The following PAWR variants were observed in gnomAD, a reference collection of about 807,000 sequenced individuals.
The protein encoded by PAWR is PRKC apoptosis WT1 regulator protein.
In PAWR, 23 loss-of-function variants were observed where a neutral mutation model predicts 32.0. That is an observed-to-expected ratio of 0.72 (90% CI 0.52 to 1.02). PAWR has a LOEUF of 1.02. Among genes scored for constraint, PAWR ranks in the 50% least tolerant of loss-of-function variants. The pLI is 0.00. For synonymous variants in PAWR, 226 were observed against 187.1 expected (o/e 1.21, Z -1.70); for missense variants, 457 against 437.7 (o/e 1.04, Z -0.39).
intron 2 of PAWR, among the ~76,000 whole-genome samples, chr12:79,628,173 A>G (rs1473454519): frequency 6.6e-6 from 1 of 152,218 alleles, no homozygotes; most frequent in African/African-American, 2.4e-5. Flanking sequence ...CCACTCAACT[A>G]CATGGAAACT....
chr12:79,626,805 G>C (rs1875350559), intron 2 of PAWR, among the ~76,000 whole-genome samples: 1 of 151,468 alleles, frequency 6.6e-6, no homozygotes, highest in South Asian at 2.1e-4. Flanking sequence ...TGTTCTCATT[G>C]TTCAATTCCC....
In PAWR at chr12:79,638,896, A is replaced by ATTT. The variant is rs60375837; in HGVS notation, c.517-17692_517-17690dup. ...TATATATATATATATATATATATAT[A>ATTT]TTTTTTTTTTTTTTTTTTTTTTTTT... On this transcript the variant is annotated intron_variant, in intron 2 of 6. Coordinates refer to ENST00000328827, the MANE Select transcript of PAWR (RefSeq NM_002583.4). 1.8e-3 allele frequency among the ~76,000 whole-genome samples: 18 copies of ATTT among 10,008 alleles called. 1 individual carries two copies. The highest frequency in any genetic ancestry group is 6.2e-3 in the Admixed American group (3 of 482). 6.6% of individuals were successfully genotyped at this position (10,008 alleles called of 152,430 possible).
rs968559558 is a variant in PAWR at position 79,587,927 on chromosome 12, A to G, written c.*4680T>C. Reference sequence around the variant, plus strand: ...ATCAAAGCTGTCTAACACAATACTAATGTGTTCAATAAATTATCCAGATGT... The same window carrying G: ...ATCAAAGCTGTCTAACACAATACTAGTGTGTTCAATAAATTATCCAGATGT... On this transcript the variant is annotated 3_prime_UTR_variant, in exon 7 of 7. Coordinates refer to ENST00000328827, the MANE Select transcript of PAWR (RefSeq NM_002583.4). 2.4e-4 allele frequency: 37 copies of G among 152,114 alleles called. No homozygotes were observed. Among genetic ancestry groups the G allele is most frequent in the African/African-American group, 8.9e-4 (37 of 41,574 alleles). 9.4% of individuals were successfully genotyped at this position (152,114 alleles called of 1,614,324 possible).
At chr12:79,646,406 G>A (rs1876578135) in intron 2 of PAWR, among the ~76,000 whole-genome samples, 2 of 152,142 alleles carry the variant, frequency 1.3e-5, no homozygotes, top group Non-Finnish European at 2.9e-5. Flanking sequence ...AAGAGTAGAG[G>A]TAAAGAACAA....
At chr12:79,623,895 C>CT (rs1875152850) in intron 2 of PAWR, among the ~76,000 whole-genome samples, 2 of 151,862 alleles carry the variant, frequency 1.3e-5, no homozygotes, top group South Asian at 4.2e-4. Flanking sequence ...GATAGAGGTC[C>CT]TAGAACAGAA....
intron 2 of PAWR, among the ~76,000 whole-genome samples, chr12:79,643,337 A>T (rs1020147275): frequency 2.0e-5 from 3 of 152,168 alleles, no homozygotes; most frequent in African/African-American, 4.8e-5. Flanking sequence ...ATAGTCAAAG[A>T]AGTAATGAAA....
At chr12:79,679,919 T>A (rs568406172) in intron 2 of PAWR, among the ~76,000 whole-genome samples, 2 of 152,356 alleles carry the variant, frequency 1.3e-5, no homozygotes, top group African/African-American at 4.8e-5. Context: ...TATACTCTTA[T>A]ATGAGTACTC....
At chr12:79,611,363 A>C (rs1874435028) in intron 4 of PAWR, among the ~76,000 whole-genome samples, 1 of 149,604 alleles carries the variant, frequency 6.7e-6, no homozygotes, top group Non-Finnish European at 1.5e-5. Flanking sequence ...ATAAAAAATA[A>C]GTTATTAGGT....
intron 4 of PAWR, among the ~76,000 whole-genome samples, chr12:79,612,304 G>C (rs8176889): frequency 4.6e-5 from 7 of 152,000 alleles, no homozygotes; most frequent in African/African-American, 1.7e-4. Flanking sequence ...CTACTCTTCT[G>C]ATTATCTTGG....
At chr12:79,634,053 T>C (rs1298631602) in intron 2 of PAWR, among the ~76,000 whole-genome samples, 2 of 152,152 alleles carry the variant, frequency 1.3e-5, no homozygotes, top group East Asian at 3.8e-4. Context: ...ATGATTCTCC[T>C]TACATCTGTA....
chr12:79,603,384 A>T (rs1874036099), intron 4 of PAWR, among the ~76,000 whole-genome samples: 1 of 152,166 alleles, frequency 6.6e-6, no homozygotes, highest in Admixed American at 6.5e-5. Context: ...GGTATCACTA[A>T]AGCCATACCA....
intron 2 of PAWR, among the ~76,000 whole-genome samples, chr12:79,622,748 G>A (rs564065358): frequency 1.3e-5 from 2 of 152,222 alleles, no homozygotes; most frequent in Non-Finnish European, 2.9e-5. Flanking sequence ...GGGGCTTGGG[G>A]AAACAGCACA....
At chr12:79,645,894 T>G (rs1445600328) in intron 2 of PAWR, among the ~76,000 whole-genome samples, 1 of 152,210 alleles carries the variant, frequency 6.6e-6, no homozygotes, top group Non-Finnish European at 1.5e-5. Flanking sequence ...ATGCCCAGGA[T>G]TCACAATTAA....
At chr12:79,609,929 G>A (rs866866484) in intron 4 of PAWR, among the ~76,000 whole-genome samples, 5 of 152,270 alleles carry the variant, frequency 3.3e-5, no homozygotes, top group Non-Finnish European at 7.4e-5. Context: ...AGGGGTAGTG[G>A]GCATCCCCCT....
chr12:79,671,406 T>C (rs183714292), intron 2 of PAWR, among the ~76,000 whole-genome samples: 56 of 152,350 alleles, frequency 3.7e-4, no homozygotes, highest in African/African-American at 1.3e-3. Context: ...ATAGCCCTTA[T>C]GTGTAGTTAG....
At chr12:79,662,181 C>T (rs1041742590) in intron 2 of PAWR, among the ~76,000 whole-genome samples, 14 of 91,656 alleles carry the variant, frequency 1.5e-4, no homozygotes, top group Admixed American at 3.3e-4. Flanking sequence ...CCAGCCTGGG[C>T]AACATACTGA....
chr12:79,666,689 TG>T (rs1412734862), intron 2 of PAWR, among the ~76,000 whole-genome samples: 1 of 152,244 alleles, frequency 6.6e-6, no homozygotes, highest in Non-Finnish European at 1.5e-5. Flanking sequence ...TCTAAATTTT[TG>T]TTTGGAAAAT....
chr12:79,622,602 C>G (rs1207674473), intron 2 of PAWR, among the ~76,000 whole-genome samples: 4 of 152,100 alleles, frequency 2.6e-5, no homozygotes, highest in Non-Finnish European at 5.9e-5. Context: ...ATGATGGTTT[C>G]TAGCTGAGAT....
At chr12:79,653,360 T>C (rs1301310356) in intron 2 of PAWR, among the ~76,000 whole-genome samples, 1 of 151,656 alleles carries the variant, frequency 6.6e-6, no homozygotes, top group Non-Finnish European at 1.5e-5. Flanking sequence ...TCAATTCATT[T>C]TGAAACTCTT....
Sources: gnomAD v4.1 joint callset for allele counts (sites outside exome capture counted in the v4.1 genomes callset) on GRCh38, gnomAD v4.1.1 for gene constraint, MANE v1.5 for transcripts, NCBI Gene and HGNC (gene_info 2026-07-23, HGNC 2026-07-21) for gene names.